Variants in KDM4C observed in about 807,000 individuals in gnomAD.
KDM4C encodes lysine-specific demethylase 4C.
KDM4C carries 81 observed loss-of-function variants against 129.3 expected under a neutral mutation model. The observed-to-expected ratio is 0.63, with a 90% CI of 0.52 to 0.75. The LOEUF is 0.75. Ranked by LOEUF, KDM4C falls within the 30% of genes least tolerant of loss-of-function variation. The pLI, the probability that KDM4C is intolerant of heterozygous loss-of-function variation, is 0.00. For missense variants in KDM4C, 1,457 were observed against 1,304.0 expected (o/e 1.12, Z -1.81); for synonymous variants, 573 against 456.1 (o/e 1.26, Z -3.26).
At chr9:7,118,221 A>G (rs1839124313) in intron 18 of KDM4C, among the ~76,000 whole-genome samples, 1 of 152,206 alleles carries the variant, frequency 6.6e-6, no homozygotes, top group Middle Eastern at 3.2e-3. Context: ...GCTTACCACC[A>G]TTTCCCACTG....
In KDM4C at chr9:6,742,338, C is replaced by T. The variant is rs140884365; in HGVS notation, c.49+21341C>T. ...TGGCTATTTTCAAGATTTTCTTTGT[C>T]TATATTTTCAAAGTTTGATTGCAAT... On this transcript the variant is annotated intron_variant, in intron 1 of 17. Transcript: ENST00000536108. Among the ~76,000 whole-genome samples the T allele has an allele frequency of 3.6e-3, 544 of 152,118 alleles. 6 individuals are homozygous for T. Among genetic ancestry groups the T allele is most frequent in the Non-Finnish European group, 4.5e-3 (303 of 67,992 alleles).
chr9:6,886,654 G>A (rs112890296), intron 6 of KDM4C, among the ~76,000 whole-genome samples: 9 of 151,922 alleles, frequency 5.9e-5, no homozygotes, highest in East Asian at 3.9e-4. Flanking sequence ...ACCATGCCTC[G>A]CTAATTTTTT....
At chr9:6,740,494 C>CAT (rs1817653214) in intron 1 of KDM4C, among the ~76,000 whole-genome samples, 5 of 141,144 alleles carry the variant, frequency 3.5e-5, no homozygotes, top group Non-Finnish European at 7.7e-5. Flanking sequence ...TGAGCCACTG[C>CAT]GCCTGGCCTT....
At chr9:7,018,736 C>G (rs1314891164) in intron 15 of KDM4C, among the ~76,000 whole-genome samples, 1 of 152,224 alleles carries the variant, frequency 6.6e-6, no homozygotes, top group African/African-American at 2.4e-5. Flanking sequence ...CACCCTGATT[C>G]TAAAGCTGGT....
intron 7 of KDM4C, among the ~76,000 whole-genome samples, chr9:6,892,343 C>A (rs1391062546): frequency 6.6e-6 from 1 of 152,054 alleles, no homozygotes; most frequent in South Asian, 2.1e-4. Flanking sequence ...AACAACACTA[C>A]ATTTTTCTTC....
At chr9:6,847,799 A>T (rs1444994638) in intron 4 of KDM4C, among the ~76,000 whole-genome samples, 14 of 152,214 alleles carry the variant, frequency 9.2e-5, no homozygotes, top group Admixed American at 7.9e-4. Flanking sequence ...GAATTAAATT[A>T]TGTCCTTTGG....
chr9:7,126,886 G>A (rs1840078200), intron 18 of KDM4C, among the ~76,000 whole-genome samples: 1 of 151,822 alleles, frequency 6.6e-6, no homozygotes, highest in Non-Finnish European at 1.5e-5. Context: ...AAGAAAGAAA[G>A]ATCACAAGAA....
intron 3 of KDM4C, among the ~76,000 whole-genome samples, chr9:6,812,690 G>A (rs114056976): frequency 1.3e-3 from 196 of 152,198 alleles, no homozygotes; most frequent in African/African-American, 4.5e-3. Context: ...AACAGGCCGC[G>A]GACCCCTACT....
chr9:6,979,199 C>T (rs1178470663), intron 8 of KDM4C, among the ~76,000 whole-genome samples: 1 of 152,194 alleles, frequency 6.6e-6, no homozygotes, highest in East Asian at 1.9e-4. Flanking sequence ...AAATATCTTT[C>T]AATTTCTCAG....
At chr9:6,917,955 A>G (rs1025433649) in intron 8 of KDM4C, among the ~76,000 whole-genome samples, 3 of 152,194 alleles carry the variant, frequency 2.0e-5, no homozygotes, top group Admixed American at 2.0e-4. Flanking sequence ...TCTCCACTAG[A>G]TCAGTCTCAT....
Position 6,792,976 on chromosome 9 carries a change from T to C in KDM4C, c.-13T>C. 1 of 1,614,100 alleles carries C rather than the reference T, an allele frequency of 6.2e-7. No individual in the cohort carries two copies. Among genetic ancestry groups the C allele is most frequent in the South Asian group, 1.1e-5 (1 of 91,074 alleles). On this transcript the variant is annotated 5_prime_UTR_variant, in exon 2 of 22. Coordinates refer to ENST00000381309, the MANE Select transcript of KDM4C (RefSeq NM_015061.6). Reference sequence around the variant, plus strand: ...ACCCTACTGTCTTCTCTCCAGACACTGCCCTAACCATCATGGAGGTGGCCG... The same window carrying C: ...ACCCTACTGTCTTCTCTCCAGACACCGCCCTAACCATCATGGAGGTGGCCG...
intron 1 of KDM4C, chr9:6,721,121 T>C (rs769948043): frequency 7.1e-6 from 6 of 839,968 alleles, no homozygotes; most frequent in Non-Finnish European, 1.1e-5. Context: ...TTGCCCAGGC[T>C]AGAGGGCAGT....
Position 6,915,980 on chromosome 9 carries a change from A to G in KDM4C, c.921+22748A>G, listed in dbSNP as rs141428575. ...AATAGTACAAGGTAATCAGGGTTAT[A>G]GGATGGGGGGAATTTAATTCCAACA... On this transcript the variant is annotated intron_variant, in intron 8 of 21. Transcript: ENST00000381309. 9.6e-4 allele frequency among the ~76,000 whole-genome samples: 146 copies of G among 152,330 alleles called. 1 individual carries two copies. Among genetic ancestry groups the G allele is most frequent in the African/African-American group, 3.3e-3 (136 of 41,586 alleles).
At chr9:6,732,312 C>G (rs1043501953) in intron 1 of KDM4C, among the ~76,000 whole-genome samples, 1 of 124,456 alleles carries the variant, frequency 8.0e-6, no homozygotes, top group Admixed American at 1.0e-4. Context: ...TTGCAGTGAG[C>G]TGAGATCATG....
intron 17 of KDM4C, among the ~76,000 whole-genome samples, chr9:7,091,968 C>A (rs10976035): frequency 0.2 from 29,948 of 152,068 alleles, 3,095 homozygotes; most frequent in Admixed American, 0.26. Context: ...GTTTAACGTC[C>A]CTTACTTTTT....
At chr9:6,862,263 G>C (rs1009039827) in intron 5 of KDM4C, among the ~76,000 whole-genome samples, 10 of 152,286 alleles carry the variant, frequency 6.6e-5, no homozygotes, top group Middle Eastern at 3.4e-3. Context: ...CTTCATGTCT[G>C]ATAAGTTATC....
chr9:7,163,811 A>G (rs1844064738), intron 19 of KDM4C, among the ~76,000 whole-genome samples: 2 of 152,180 alleles, frequency 1.3e-5, no homozygotes, highest in Admixed American at 1.3e-4. Flanking sequence ...AGGGCCAAGG[A>G]TAGACTTACT....
At chr9:7,028,123 T>C (rs1826099563) in intron 15 of KDM4C, among the ~76,000 whole-genome samples, 2 of 152,114 alleles carry the variant, frequency 1.3e-5, no homozygotes, top group African/African-American at 4.8e-5. Context: ...GAAAGTCACC[T>C]TTACTTTCCC....
chr9:7,039,512 G>C (rs1039114044), intron 15 of KDM4C, among the ~76,000 whole-genome samples: 1 of 151,928 alleles, frequency 6.6e-6, no homozygotes, highest in Non-Finnish European at 1.5e-5. Flanking sequence ...CAACATGGAA[G>C]TCAGAGGTGC....
Sources: allele counts gnomAD v4.1 joint callset (sites outside exome capture counted in the v4.1 genomes callset), GRCh38; gene constraint gnomAD v4.1.1; transcripts MANE v1.5; gene names NCBI Gene and HGNC (gene_info 2026-07-23, HGNC 2026-07-21).